Variants in DCC observed in about 807,000 individuals in gnomAD.
The protein encoded by DCC is netrin receptor DCC.
DCC carries 58 observed loss-of-function variants against 172.5 expected under a neutral mutation model. That is an observed-to-expected ratio of 0.34 (90% CI 0.27 to 0.42). The LOEUF (loss-of-function observed/expected upper bound fraction) is 0.42, where lower values mean the gene tolerates loss of function less well. Ranked by LOEUF, DCC falls within the 10% of genes least tolerant of loss-of-function variation. DCC has a pLI of 1.00. For synonymous variants in DCC, 709 were observed against 644.5 expected, an observed-to-expected ratio of 1.10 and a Z score of -1.52; for missense variants, 1,740 against 1,791.0, an observed-to-expected ratio of 0.97 and a Z score of 0.51.
intron 1 of DCC, among the ~76,000 whole-genome samples, chr18:52,497,273 A>AT (rs2030802591): frequency 3.5e-5 from 3 of 86,480 alleles, no homozygotes; most frequent in Non-Finnish European, 6.7e-5. Context: ...AAAAAAAAAA[A>AT]AAAAAAAATA....
At position 52,340,463 on chromosome 18, in the gene DCC, G is replaced by A; in HGVS notation, c.-325G>A. The A allele has an allele frequency of 2.3e-6, 1 of 442,178 alleles. No individual in the cohort carries two copies. 27.4% of individuals were successfully genotyped at this position (442,178 alleles called of 1,614,324 possible). On this transcript the variant is annotated 5_prime_UTR_variant, in exon 1 of 29. Coordinates refer to ENST00000442544, the MANE Select transcript of DCC (RefSeq NM_005215.4). ...TTATTGATGACTTGCGAGCCCCTCA[G>A]AGAGCTGTCTTCCCTCCTCTGGCTC...
At chr18:52,796,742 T>C (rs919759048) in intron 2 of DCC, among the ~76,000 whole-genome samples, 1 of 152,214 alleles carries the variant, frequency 6.6e-6, no homozygotes, top group Non-Finnish European at 1.5e-5. Flanking sequence ...CTTGCTGTTT[T>C]TAGAATTCTG....
chr18:53,408,960 G>A (rs570021461), intron 19 of DCC, among the ~76,000 whole-genome samples: 33 of 152,256 alleles, frequency 2.2e-4, no homozygotes, highest in African/African-American at 7.9e-4. Context: ...AATTCTATAA[G>A]GCACTATGGG....
intron 1 of DCC, among the ~76,000 whole-genome samples, chr18:52,381,152 G>A (rs1985567385): frequency 6.6e-6 from 1 of 151,772 alleles, no homozygotes; most frequent in Non-Finnish European, 1.5e-5. Context: ...GCCTCATTAA[G>A]AAAAAAAATC....
At chr18:53,003,233 G>T (rs1489401146) in intron 5 of DCC, among the ~76,000 whole-genome samples, 1 of 151,946 alleles carries the variant, frequency 6.6e-6, no homozygotes, top group Non-Finnish European at 1.5e-5. Flanking sequence ...TAATTAGAAG[G>T]CTGCAAGAAA....
At chr18:53,504,846 G>T (rs1036917329) in intron 27 of DCC, among the ~76,000 whole-genome samples, 2 of 152,194 alleles carry the variant, frequency 1.3e-5, no homozygotes, top group African/African-American at 4.8e-5. Flanking sequence ...GCCTAAAAAC[G>T]TTAGGTAGCT....
At chr18:53,166,486 C>T (rs2054923877) in intron 8 of DCC, among the ~76,000 whole-genome samples, 1 of 152,018 alleles carries the variant, frequency 6.6e-6, no homozygotes, top group Admixed American at 6.6e-5. Flanking sequence ...TAAAAGAATC[C>T]AGAACTCAGT....
At chr18:52,367,909 G>A (rs1984950736) in intron 1 of DCC, among the ~76,000 whole-genome samples, 1 of 152,214 alleles carries the variant, frequency 6.6e-6, no homozygotes, top group African/African-American at 2.4e-5. Context: ...AGTCACAGAG[G>A]TATTGATCAG....
intron 2 of DCC, among the ~76,000 whole-genome samples, chr18:52,846,435 G>T (rs907949688): frequency 6.6e-6 from 1 of 152,162 alleles, no homozygotes; most frequent in African/African-American, 2.4e-5. Flanking sequence ...AGCTACTGGG[G>T]AGTCTGAGGT....
At chr18:53,081,230 T>A (rs991756906) in intron 7 of DCC, among the ~76,000 whole-genome samples, 7 of 152,070 alleles carry the variant, frequency 4.6e-5, no homozygotes, top group Admixed American at 4.6e-4. Context: ...AATAGTTTAA[T>A]ATGGATTTAT....
At chr18:53,278,998 C>T (rs569339707) in intron 12 of DCC, among the ~76,000 whole-genome samples, 2 of 152,294 alleles carry the variant, frequency 1.3e-5, no homozygotes, top group Admixed American at 1.3e-4. Context: ...CTGACTTCCA[C>T]AATGGTTGAA....
chr18:52,525,563 C>T (rs1345539013), intron 1 of DCC, among the ~76,000 whole-genome samples: 5 of 152,126 alleles, frequency 3.3e-5, no homozygotes, highest in East Asian at 1.9e-4. Flanking sequence ...GAAATCTGAC[C>T]GCATAAAGCC....
At chr18:52,925,530 TA>T (rs2040188066) in intron 5 of DCC, among the ~76,000 whole-genome samples, 160 bp downstream of exon 5, 1 of 152,000 alleles carries the variant, frequency 6.6e-6, no homozygotes, top group South Asian at 2.1e-4. Context: ...ATTAATTGCA[TA>T]GGGGTTATAT....
At chr18:52,702,949 A>C (rs1386625110) in intron 1 of DCC, among the ~76,000 whole-genome samples, 1 of 152,072 alleles carries the variant, frequency 6.6e-6, no homozygotes, top group African/African-American at 2.4e-5. Context: ...GTTTCAACTT[A>C]ACTTTCTGCC....
chr18:53,523,091 A>C (rs1199558892), intron 27 of DCC, among the ~76,000 whole-genome samples: 1 of 152,220 alleles, frequency 6.6e-6, no homozygotes, highest in Non-Finnish European at 1.5e-5. Flanking sequence ...CAACCCCTTC[A>C]AAAAGTGGGC....
intron 2 of DCC, among the ~76,000 whole-genome samples, chr18:52,834,724 AAT>A (rs2038673739): frequency 6.6e-6 from 1 of 152,198 alleles, no homozygotes; most frequent in Admixed American, 6.6e-5. Context: ...TTAGAAAAGA[AAT>A]ATGTTTTCTT....
chr18:53,178,908 T>G, intron 8 of DCC, 54 bp from the exon 9 acceptor site: 1 of 1,602,322 alleles, frequency 6.2e-7, no homozygotes, highest in Non-Finnish European at 8.5e-7. Flanking sequence ...ATACAGATTT[T>G]GGCTGAAGGT....
intron 5 of DCC, among the ~76,000 whole-genome samples, chr18:52,995,807 G>A (rs748710015): frequency 6.6e-6 from 1 of 151,848 alleles, no homozygotes; most frequent in Admixed American, 6.6e-5. Context: ...GTATCAGTTA[G>A]CAAACCCAAA....
At chr18:53,321,727 A>G (rs2057413253) in intron 13 of DCC, among the ~76,000 whole-genome samples, 1 of 152,170 alleles carries the variant, frequency 6.6e-6, no homozygotes, top group Non-Finnish European at 1.5e-5. Flanking sequence ...GATCTTCTGA[A>G]CAGTAAGGAA....
Sources: gnomAD v4.1 joint callset for allele counts (sites outside exome capture counted in the v4.1 genomes callset) on GRCh38, gnomAD v4.1.1 for gene constraint, MANE v1.5 for transcripts, NCBI Gene and HGNC (gene_info 2026-07-23, HGNC 2026-07-21) for gene names.